SPTB: variants seen among roughly 807,000 people sequenced by gnomAD.
The protein encoded by SPTB is spectrin beta chain, erythrocytic.
In SPTB, 45 loss-of-function variants were observed where a neutral mutation model predicts 256.2. The ratio of observed to expected loss-of-function variants is 0.18; its 90% confidence interval spans 0.14 to 0.23. The LOEUF is 0.23. Among genes scored for constraint, SPTB ranks in the 10% least tolerant of loss-of-function variants. SPTB has a pLI of 1.00. For missense variants in SPTB, 2,715 were observed against 3,040.4 expected (o/e 0.89, Z 2.52); for synonymous variants, 1,231 against 1,243.1 (o/e 0.99, Z 0.21).
intron 1 of SPTB, among the ~76,000 whole-genome samples, chr14:64,834,879 T>C (rs1469069425): frequency 1.3e-5 from 2 of 152,230 alleles, no homozygotes; most frequent in Non-Finnish European, 1.5e-5. Context: ...AAGTCTTTTA[T>C]AGTTTCTTTC....
At chr14:64,767,117 C>T (rs754747097) in intron 31 of SPTB, among the ~76,000 whole-genome samples, 186 bp downstream of exon 31, 1 of 152,192 alleles carries the variant, frequency 6.6e-6, no homozygotes, top group Non-Finnish European at 1.5e-5. Flanking sequence ...GCCTTCAGCC[C>T]GCCTGTGACT....
rs904580304 is a variant in SPTB, at chr14:64,866,575, C to T, written c.-52+13217G>A. ...CTCCTATCAGTCACTGGGTGCAGGACGAGGCAGGAGAAGAGAGCGGCTGGA... is the reference window on the plus strand; with the variant it reads ...CTCCTATCAGTCACTGGGTGCAGGATGAGGCAGGAGAAGAGAGCGGCTGGA... On this transcript the variant is annotated intron_variant, in intron 1 of 35. Coordinates refer to ENST00000644917, the MANE Select transcript of SPTB (RefSeq NM_001355436.2). The surrounding 1 kb of genome is among the most constrained non-coding windows in gnomAD (Gnocchi z 4.6). 1.3e-5 allele frequency among the ~76,000 whole-genome samples: 2 copies of T among 152,066 alleles called. No homozygotes were observed. Among genetic ancestry groups the T allele is most frequent in the Non-Finnish European group, 2.9e-5 (2 of 68,016 alleles).
Position 64,779,061 on chromosome 14 carries a change from G to T in SPTB, c.4563+96C>A. 1 of 904,198 alleles carries T rather than the reference G, an allele frequency of 1.1e-6. No homozygotes were observed. The allele number at this position is 904,198 out of a possible 1,614,324, so 56.0% of individuals were successfully genotyped here. On this transcript the variant is annotated intron_variant, in intron 22 of 35. Transcript: ENST00000644917. This position sits in a 1 kb window ranked among gnomAD's most constrained non-coding sequence, Gnocchi z 4.2. ...CCAACAAGAACAATAATCTGCTGTT[G>T]CTAGCCTTCTGCAGGTCAGGGCTGG...
Position 64,857,577 on chromosome 14 carries a change from C to CA in SPTB, c.-52+22214dup, listed in dbSNP as rs34021718. On this transcript the variant is annotated intron_variant, in intron 1 of 35. Coordinates refer to ENST00000644917, the MANE Select transcript of SPTB (RefSeq NM_001355436.2). ...TGGGCGACAGAGCAAGACACTGCCT[C>CA]AAAAAAAAAAAAAAAAAAAAAAAAA... is the stretch of plus-strand genomic sequence containing the variant. Among the ~76,000 whole-genome samples, 191 of 61,360 alleles carry CA rather than the reference C, an allele frequency of 3.1e-3. 2 individuals carry two copies. Among genetic ancestry groups the CA allele is most frequent in the East Asian group, 0.011 (21 of 1,992 alleles). The allele number at this position is 61,360 out of a possible 152,430, so 40.3% of individuals were successfully genotyped here.
rs138575349 is a variant in SPTB, at chr14:64,861,860, T to A, written c.-52+17932A>T. Reference sequence around the variant, plus strand: ...ACTCCTTTCCGACGTTAGACACGATTAACCATCCTTTTCTCAAAGCTGAAT... The same window carrying A: ...ACTCCTTTCCGACGTTAGACACGATAAACCATCCTTTTCTCAAAGCTGAAT... On this transcript the variant is annotated intron_variant, in intron 1 of 35. Coordinates refer to ENST00000644917, the MANE Select transcript of SPTB (RefSeq NM_001355436.2). Among the ~76,000 whole-genome samples, 239 of 152,260 alleles carry A rather than the reference T, an allele frequency of 1.6e-3. 1 individual carries two copies. Among genetic ancestry groups the A allele is most frequent in the African/African-American group, 5.6e-3 (234 of 41,540 alleles).
Position 64,795,428 on chromosome 14 carries a change from T to C in SPTB, c.1553A>G (p.Gln518Arg). 6.2e-7 allele frequency: 1 copy of C among 1,614,232 alleles called. No homozygotes were observed. The highest frequency in any genetic ancestry group is 1.7e-5 in the Admixed American group (1 of 60,028). ...GGTCTCGAGCCTCTGGCGCCGGGAC[T>C]GCAGCAGCTCCTGCAGGTAGCTCCA... ...RLWSYLQELLQSRRQRLETTL... is the reference protein window; with the variant it reads ...RLWSYLQELLRSRRQRLETTL... Residue 518 changes from glutamine to arginine, a missense_variant, in exon 12 of 36, where the codon CAG (glutamine) becomes CGG (arginine). Transcript: ENST00000644917. The surrounding 1 kb of genome is among the most constrained non-coding windows in gnomAD (Gnocchi z 6.5).
chr14:64,782,624 T>C (rs1223893894), intron 19 of SPTB, 71 bp from the exon 20 acceptor site: 1 of 1,603,504 alleles, frequency 6.2e-7, no homozygotes. Context: ...CTCCTGATGG[T>C]TGCAAGAGGC....
chr14:64,799,870 A>G lies in SPTB; in HGVS notation c.941T>C (p.Leu314Pro), dbSNP rs746095514. 5 of 1,614,256 alleles carry G rather than the reference A, an allele frequency of 3.1e-6. No individual in the cohort carries two copies. The highest frequency in any genetic ancestry group is 4.2e-6 in the Non-Finnish European group (5 of 1,180,046). ...IEKYSGLASDLLTWIEQTITV... is the reference protein window; with the variant it reads ...IEKYSGLASDPLTWIEQTITV... Reference sequence around the variant, plus strand: ...GATGGTCTGCTCGATCCAGGTGAGCAGGTCCGAGGCTAGCCCGCTGTACTT... The same window carrying G: ...GATGGTCTGCTCGATCCAGGTGAGCGGGTCCGAGGCTAGCCCGCTGTACTT... Residue 314 changes from leucine (L) to proline (P), a missense_variant, in exon 9 of 36, where the codon CTG (leucine) becomes CCG (proline). Transcript: ENST00000644917.
chr14:64,875,094 T>C (rs1882748479), intron 1 of SPTB, among the ~76,000 whole-genome samples: 1 of 152,174 alleles, frequency 6.6e-6, no homozygotes, highest in African/African-American at 2.4e-5. Flanking sequence ...ACAGGTATGA[T>C]GTGGAAATAA....
chr14:64,845,588 T>C lies in SPTB; in HGVS notation c.-51-22443A>G, dbSNP rs1288636980. ...TTAAAGTTTTACCAGACTATAGGAC[T>C]GTAGAGATGAAAAGCAAAAGGTTGT... On this transcript the variant is annotated intron_variant, in intron 1 of 35. Transcript: ENST00000644917. The surrounding 1 kb of genome is among the most constrained non-coding windows in gnomAD (Gnocchi z 4.8). 6.6e-6 allele frequency among the ~76,000 whole-genome samples: 1 copy of C among 152,220 alleles called. No individual in the cohort carries two copies. Among genetic ancestry groups the C allele is most frequent in the Non-Finnish European group, 1.5e-5 (1 of 68,044 alleles).
Position 64,760,398 on chromosome 14 carries a change from T to C in SPTB, c.6345+6328A>G, listed in dbSNP as rs971778677. Among the ~76,000 whole-genome samples the C allele has an allele frequency of 6.6e-6, 1 of 152,116 alleles. No homozygotes were observed. The highest frequency in any genetic ancestry group is 2.4e-5 in the African/African-American group (1 of 41,426). On this transcript the variant is annotated intron_variant, in intron 32 of 35. Transcript: ENST00000644917. The surrounding 1 kb of genome is among the most constrained non-coding windows in gnomAD (Gnocchi z 4.3). ...GGACTGCACACAGACAACAAACTCC[T>C]CAGGCTCCCAGGAGAAACACAACCT...
intron 2 of SPTB, among the ~76,000 whole-genome samples, chr14:64,820,429 G>A (rs893465860): frequency 1.3e-5 from 2 of 152,218 alleles, no homozygotes; most frequent in Non-Finnish European, 2.9e-5. Context: ...CTCAGGAGAA[G>A]GAAGCCAGTA....
At chr14:64,828,562 A>C (rs145601698) in intron 1 of SPTB, among the ~76,000 whole-genome samples, 223 of 152,316 alleles carry the variant, frequency 1.5e-3, no homozygotes, top group African/African-American at 5.0e-3. Flanking sequence ...AATGGTAAAA[A>C]CCACAATTAC....
At chr14:64,830,363 TATTATTATTATTA>T (rs2083435398) in intron 1 of SPTB, among the ~76,000 whole-genome samples, 2 of 128,608 alleles carry the variant, frequency 1.6e-5, no homozygotes, top group South Asian at 2.5e-4. Flanking sequence ...TTATTATTAT[TATTATTATTATTA>T]TTATTTTATT....
chr14:64,753,495 C>G (rs200555048), intron 33 of SPTB, 42 bp downstream of exon 33: 6 of 1,612,018 alleles, frequency 3.7e-6, no homozygotes, highest in Non-Finnish European at 5.1e-6. Flanking sequence ...TCCCTGAGAG[C>G]TGCCCAACCT....
At chr14:64,829,350 T>A (rs118064147) in intron 1 of SPTB, among the ~76,000 whole-genome samples, 1 of 152,192 alleles carries the variant, frequency 6.6e-6, no homozygotes, top group Non-Finnish European at 1.5e-5. Flanking sequence ...GAGTGAGGAC[T>A]GCTGTAAATC....
chr14:64,799,096 AGT>A (rs1269774177), intron 9 of SPTB, among the ~76,000 whole-genome samples: 1 of 150,894 alleles, frequency 6.6e-6, no homozygotes, highest in Non-Finnish European at 1.5e-5. Flanking sequence ...TATGTGTATG[AGT>A]GCACGGTTGT....
rs1449149328 is a variant in SPTB at position 64,806,153 on chromosome 14, T to C, written c.149-1063A>G. ...CACAAAAAAAAGAGAGAGAAAAGGA[T>C]AGAGGAGGGGAGAAGGAGAAAAAAA... On this transcript the variant is annotated intron_variant, in intron 2 of 35. Transcript: ENST00000644917. The surrounding 1 kb of genome is among the most constrained non-coding windows in gnomAD (Gnocchi z 4.1). 6.8e-6 allele frequency among the ~76,000 whole-genome samples: 1 copy of C among 147,340 alleles called. No individual in the cohort carries two copies. Among genetic ancestry groups the C allele is most frequent in the Non-Finnish European group, 1.5e-5 (1 of 66,980 alleles).
intron 27 of SPTB, 80 bp downstream of exon 27, chr14:64,770,805 G>A: frequency 6.2e-7 from 1 of 1,601,240 alleles, no homozygotes; most frequent in Admixed American, 1.7e-5. Context: ...TCACGGAGGA[G>A]CCACAGTGCA....
Sources: gnomAD v4.1 joint callset for allele counts (sites outside exome capture counted in the v4.1 genomes callset) on GRCh38, gnomAD v4.1.1 for gene constraint, Gnocchi (gnomAD v3.1) non-coding constraint, MANE v1.5 for transcripts, NCBI Gene and HGNC (gene_info 2026-07-23, HGNC 2026-07-21) for gene names.